MACF1: variants seen among roughly 807,000 people sequenced by gnomAD.
The protein encoded by MACF1 is microtubule actin crosslinking factor 1.
Under a neutral mutation model 854.8 loss-of-function variants are expected in MACF1, and 193 were observed. The ratio of observed to expected loss-of-function variants is 0.23; its 90% CI spans 0.20 to 0.25. The LOEUF (loss-of-function observed/expected upper bound fraction) is 0.25. Ranked by LOEUF, MACF1 falls within the 10% of genes least tolerant of loss-of-function variation. The probability of loss-of-function intolerance (pLI) is 1.00; values close to 1 mark genes in which losing one functional copy is unlikely to be tolerated. For synonymous variants in MACF1, 3,185 were observed against 3,226.7 expected, an observed-to-expected ratio of 0.99 and a Z score of 0.44; for missense variants, 7,722 against 8,929.1, an observed-to-expected ratio of 0.86 and a Z score of 5.45.
At chr1:39,341,287 G>T (rs1479910219) in intron 40 of MACF1, among the ~76,000 whole-genome samples, 6 of 151,064 alleles carry the variant, frequency 4.0e-5, no homozygotes, top group Admixed American at 1.3e-4. Flanking sequence ...GCCCACCTCG[G>T]CCTCCCAAAG....
chr1:39,190,571 C>T (rs1644243595), intron 2 of MACF1, among the ~76,000 whole-genome samples: 1 of 151,706 alleles, frequency 6.6e-6, no homozygotes, highest in Admixed American at 6.6e-5. Context: ...AACTCCTGGG[C>T]TCAAGAAATC....
chr1:39,471,633 C>T (rs12143150), intron 97 of MACF1, among the ~76,000 whole-genome samples: 2,908 of 152,204 alleles, frequency 0.019, 50 homozygotes, highest in Non-Finnish European at 0.032. Context: ...TGAATGTATC[C>T]GTGGCACAGG....
chr1:39,211,659 G>C (rs950887829), intron 1 of MACF1, among the ~76,000 whole-genome samples: 4 of 152,064 alleles, frequency 2.6e-5, no homozygotes, highest in Admixed American at 2.6e-4. Context: ...GAGGTGGGTG[G>C]ATCATGAGGT....
At position 39,365,233 on chromosome 1, in the gene MACF1, G is replaced by T. The variant is rs558401271; in HGVS notation, c.12772-2915G>T. On this transcript the variant is annotated intron_variant, in intron 49 of 100. Transcript: ENST00000564288. ...TGGGACTACAGGCGCCCGCCACCACGTCCAGCTAATTTTTTTGTATTTTTA... is the reference window on the plus strand; with the variant it reads ...TGGGACTACAGGCGCCCGCCACCACTTCCAGCTAATTTTTTTGTATTTTTA... Among the ~76,000 whole-genome samples, 4 of 152,024 alleles carry T rather than the reference G, an allele frequency of 2.6e-5. No homozygotes were observed. The South Asian group carries it at 8.3e-4, about 32-fold the overall frequency.
intron 2 of MACF1, among the ~76,000 whole-genome samples, chr1:39,113,143 G>C (rs1642454876): frequency 6.6e-6 from 1 of 152,030 alleles, no homozygotes; most frequent in South Asian, 2.1e-4. Flanking sequence ...TGGCATTCCA[G>C]ACCCTCCTCT....
chr1:39,284,744 C>T (rs1244991753), intron 11 of MACF1, among the ~76,000 whole-genome samples: 1 of 152,152 alleles, frequency 6.6e-6, no homozygotes, highest in Non-Finnish European at 1.5e-5. Flanking sequence ...AGAGAGACTT[C>T]TATTCAGAAT....
chr1:39,147,336 T>TTTTTCCTTCTCTTTTCA (rs1412370526), intron 2 of MACF1, among the ~76,000 whole-genome samples: 1 of 151,288 alleles, frequency 6.6e-6, no homozygotes, highest in Non-Finnish European at 1.5e-5. Context: ...CTTCCTTTTC[T>TTTTTCCTTCTCTTTTCA]TTTTCCTTCT....
At chr1:39,098,721 T>G (rs1265142825) in intron 2 of MACF1, among the ~76,000 whole-genome samples, 4 of 152,116 alleles carry the variant, frequency 2.6e-5, no homozygotes, top group Non-Finnish European at 5.9e-5. Context: ...TGAGTAACCA[T>G]TTTGAGGGTT....
intron 52 of MACF1, among the ~76,000 whole-genome samples, chr1:39,375,543 C>T (rs1428015036): frequency 6.6e-6 from 1 of 152,178 alleles, no homozygotes; most frequent in African/African-American, 2.4e-5. Flanking sequence ...CCTTGTGATC[C>T]ACCTGCCTTG....
Position 39,430,815 on chromosome 1 carries a change from T to C in MACF1, c.17244T>C (p.Leu5748=), listed in dbSNP as rs1300484852. The C allele has an allele frequency of 1.9e-6, 3 of 1,612,708 alleles. No homozygotes were observed. In the Middle Eastern group the frequency reaches 6.2e-4, roughly 332 times the overall value. The change falls in exon 66 of 101, where the codon CTT becomes CTC. Residue 5748 remains leucine (L), a synonymous_variant. Coordinates refer to ENST00000564288, the MANE Select transcript of MACF1 (RefSeq NM_001394062.1). ...PWRAREGLDK[L]VSDANEQYKL... ...GAGCCAGAGAAGGGCTGGATAAACTTGTGTCCGATGCTAACGAGCAGTACA... is the reference window on the plus strand; with the variant it reads ...GAGCCAGAGAAGGGCTGGATAAACTCGTGTCCGATGCTAACGAGCAGTACA...
At chr1:39,102,443 G>T (rs1191993791) in intron 2 of MACF1, among the ~76,000 whole-genome samples, 5 of 150,450 alleles carry the variant, frequency 3.3e-5, no homozygotes, top group Non-Finnish European at 3.0e-5. Flanking sequence ...GCGGGGGGGG[G>T]GTCAAGGAAG....
chr1:39,201,955 CTTTTTTTTTTTTTTTT>C (rs748333630), upstream of MACF1, among the ~76,000 whole-genome samples: 6 of 52,310 alleles, frequency 1.1e-4, no homozygotes, highest in African/African-American at 3.5e-4. Flanking sequence ...TGCTCATATT[CTTTTTTTTTTTTTTTT>C]TTTTTTTTTT....
intron 2 of MACF1, among the ~76,000 whole-genome samples, chr1:39,185,867 TA>T (rs989126561): frequency 1.9e-4 from 29 of 152,308 alleles, no homozygotes; most frequent in African/African-American, 7.0e-4. Flanking sequence ...AAGAGATTTT[TA>T]ACCTGAAGTG....
intron 2 of MACF1, among the ~76,000 whole-genome samples, chr1:39,193,206 G>A (rs957377336): frequency 2.0e-5 from 3 of 151,700 alleles, no homozygotes; most frequent in Non-Finnish European, 2.9e-5. Flanking sequence ...TCTTTTCTTC[G>A]TATCATTTTT....
At chr1:39,371,461 C>T (rs1340203021) in intron 51 of MACF1, among the ~76,000 whole-genome samples, 5 of 151,972 alleles carry the variant, frequency 3.3e-5, no homozygotes, top group African/African-American at 4.8e-5. Flanking sequence ...AGTAGATTGT[C>T]AGGGATATTC....
intron 2 of MACF1, among the ~76,000 whole-genome samples, chr1:39,155,980 C>T (rs573652485): frequency 2.0e-5 from 3 of 152,092 alleles, no homozygotes; most frequent in South Asian, 2.1e-4. Context: ...CTTCGCCTCC[C>T]GGGTTCACAC....
intron 56 of MACF1, 94 bp downstream of exon 56, chr1:39,382,246 C>T (rs772954746): frequency 1.8e-4 from 206 of 1,174,248 alleles, no homozygotes; most frequent in Middle Eastern, 1.7e-3. Flanking sequence ...CTGGACAAGT[C>T]ATTTAATCTC....
chr1:39,452,900 A>AAT (rs1285536230), intron 87 of MACF1, 88 bp downstream of exon 87: 1 of 1,479,596 alleles, frequency 6.8e-7, no homozygotes, highest in African/African-American at 1.4e-5. Flanking sequence ...TTTTCTTGGA[A>AAT]ATATCAGAGC....
rs1557604685 is a variant in MACF1, at chr1:39,353,013, G to A, written c.11206G>A (p.Ala3736Thr). The change falls in exon 44 of 101, where the codon GCA becomes ACA. Residue 3736 changes from alanine to threonine, a missense_variant. Physicochemically the swap from Ala to Thr is moderately conservative, Grantham distance 58. Around this residue, in one of 15 missense-constraint regions of MACF1, gnomAD observed 2,807 missense variants for 3,235.8 expected, o/e 0.87. Transcript: ENST00000564288. ...CTACCTCGGTGGCTTTCAGAGTAAA[G>A]CAGCAAAGGAACTGGCAGAGAACAA... ...ALQQETEKSK[A>T]AKELAENKKK... The A allele has an allele frequency of 6.2e-7, 1 of 1,612,862 alleles. No homozygotes were observed. The highest frequency in any genetic ancestry group is 8.5e-7 in the Non-Finnish European group (1 of 1,178,958).
Sources: allele counts gnomAD v4.1 joint callset (sites outside exome capture counted in the v4.1 genomes callset), GRCh38; gene constraint gnomAD v4.1.1; regional missense constraint gnomAD v4.1.1; transcripts MANE v1.5; gene names NCBI Gene and HGNC (gene_info 2026-07-23, HGNC 2026-07-21).